CCDC169: variants seen among roughly 807,000 people sequenced by gnomAD.
CCDC169 encodes the protein coiled-coil domain containing 169.
A neutral mutation model predicts 36.0 loss-of-function variants in CCDC169; 30 were observed. The ratio of observed to expected loss-of-function variants is 0.83; its 90% CI spans 0.62 to 1.13. The LOEUF is 1.13. Ranked by LOEUF, CCDC169 falls within the 50% of genes most tolerant of loss-of-function variation. CCDC169 has a pLI of 0.00. For missense variants in CCDC169, 245 were observed against 245.9 expected (o/e 1.00, Z 0.03); for synonymous variants, 85 against 81.5 (o/e 1.04, Z -0.23).
rs528763546 is a variant in CCDC169 at position 36,277,981 on chromosome 13, A to AT, written c.315+5487dup. Among the ~76,000 whole-genome samples, 900 of 152,042 alleles carry AT rather than the reference A, an allele frequency of 5.9e-3. 5 individuals are homozygous for AT. Among genetic ancestry groups the AT allele is most frequent in the Middle Eastern group, 0.017 (5 of 292 alleles). On this transcript the variant is annotated intron_variant, in intron 4 of 7. Transcript: ENST00000239859. ...AAAAAAGATGTTAAATATCTAATGAATTCTATTATAGTTTTGAGAAGGTAC... is the reference window on the plus strand; with the variant it reads ...AAAAAAGATGTTAAATATCTAATGAATTTCTATTATAGTTTTGAGAAGGTAC...
chr13:36,222,266 CAA>C (rs1869653601), downstream of CCDC169: 1 of 152,202 alleles, frequency 6.6e-6, no homozygotes, highest in Non-Finnish European at 1.5e-5. Context: ...TAGGGGATCC[CAA>C]ACAAAGCATG....
At chr13:36,271,094 T>C (rs1875990600) in intron 4 of CCDC169, among the ~76,000 whole-genome samples, 1 of 151,938 alleles carries the variant, frequency 6.6e-6, no homozygotes, top group Admixed American at 6.6e-5. Context: ...CATCAAAAAG[T>C]GGGCAAAGGA....
intron 1 of CCDC169, among the ~76,000 whole-genome samples, chr13:36,296,995 G>A (rs1879580536): frequency 6.6e-6 from 1 of 152,130 alleles, no homozygotes; most frequent in Non-Finnish European, 1.5e-5. Flanking sequence ...CTCAGAACGC[G>A]TGTAGTTTGG....
downstream of CCDC169, chr13:36,225,929 A>C (rs9602509): frequency 0.41 from 61,644 of 152,060 alleles, 13,270 homozygotes; most frequent in Non-Finnish European, 0.48. Context: ...ATTGAAAAGT[A>C]AAAAAGCAAC....
At chr13:36,297,130 G>A (rs987452766) in intron 1 of CCDC169, among the ~76,000 whole-genome samples, 1 of 152,112 alleles carries the variant, frequency 6.6e-6, no homozygotes, top group Non-Finnish European at 1.5e-5. Context: ...GATGGAGTTG[G>A]GAGTATGTCC....
chr13:36,294,099 G>C (rs897438031), intron 2 of CCDC169, among the ~76,000 whole-genome samples: 1 of 152,114 alleles, frequency 6.6e-6, no homozygotes, highest in Non-Finnish European at 1.5e-5. Flanking sequence ...CACAGTCCCT[G>C]GCTTTAAAGG....
At chr13:36,292,074 T>C (rs550008751) in intron 2 of CCDC169, among the ~76,000 whole-genome samples, 2 of 151,214 alleles carry the variant, frequency 1.3e-5, no homozygotes, top group South Asian at 4.3e-4. Flanking sequence ...CTGCAACCTC[T>C]ACCTCCCGGT....
intron 7 of CCDC169, among the ~76,000 whole-genome samples, chr13:36,243,476 T>G (rs984182128): frequency 2.0e-5 from 3 of 150,954 alleles, no homozygotes; most frequent in African/African-American, 7.3e-5. Flanking sequence ...CACTTCAACC[T>G]GGGTGACAGA....
At chr13:36,227,049 GGAA>G, downstream of CCDC169, 1 of 438,588 alleles carries the variant, frequency 2.3e-6, no homozygotes, top group Non-Finnish European at 4.0e-6. Context: ...GAGGAGAGTT[GGAA>G]GAAGTTTCAT....
intron 2 of CCDC169, among the ~76,000 whole-genome samples, chr13:36,285,561 A>ATAAG (rs1433929289): frequency 1.2e-4 from 19 of 152,076 alleles, no homozygotes; most frequent in Non-Finnish European, 2.1e-4. Context: ...AAAAAATAAA[A>ATAAG]ATTTTTCTCA....
chr13:36,278,418 C>T (rs932592382), intron 4 of CCDC169, among the ~76,000 whole-genome samples: 3 of 152,098 alleles, frequency 2.0e-5, no homozygotes, highest in African/African-American at 4.8e-5. Flanking sequence ...TTTTCTCACC[C>T]CTACTCTTCC....
intron 6 of CCDC169, among the ~76,000 whole-genome samples, chr13:36,253,428 T>C (rs1256825004): frequency 6.7e-6 from 1 of 148,694 alleles, no homozygotes; most frequent in Non-Finnish European, 1.5e-5. Context: ...AACCTCTGCC[T>C]TCTGGGTTCA....
At chr13:36,227,960 T>C (rs530798412), downstream of CCDC169, among the ~76,000 whole-genome samples, 8 of 152,354 alleles carry the variant, frequency 5.3e-5, no homozygotes, top group South Asian at 1.0e-3. Flanking sequence ...CTTAGGATAA[T>C]GTTTCCAAGG....
intron 6 of CCDC169, among the ~76,000 whole-genome samples, chr13:36,250,255 G>A (rs1872985623): frequency 6.6e-6 from 1 of 152,118 alleles, no homozygotes; most frequent in African/African-American, 2.4e-5. Context: ...GATATATCCA[G>A]GAATAGCACA....
At chr13:36,225,221 T>TC (rs1196134586), downstream of CCDC169, 1 of 146,014 alleles carries the variant, frequency 6.8e-6, no homozygotes, top group Non-Finnish European at 1.5e-5. Context: ...TTTTTTTTTT[T>TC]TGAGACAGGG....
chr13:36,291,279 C>G (rs535839659), intron 2 of CCDC169, among the ~76,000 whole-genome samples: 1 of 151,818 alleles, frequency 6.6e-6, no homozygotes, highest in Admixed American at 6.6e-5. Flanking sequence ...TGTGTTAATG[C>G]TGCAAAGCTT....
chr13:36,291,928 A>G (rs1878945549), intron 2 of CCDC169, among the ~76,000 whole-genome samples: 1 of 152,154 alleles, frequency 6.6e-6, no homozygotes, highest in Admixed American at 6.5e-5. Context: ...ACCAGCCTAT[A>G]AAAGACTCAA....
At chr13:36,236,482 A>C (rs1871095877) in intron 7 of CCDC169, among the ~76,000 whole-genome samples, 1 of 152,030 alleles carries the variant, frequency 6.6e-6, no homozygotes, top group African/African-American at 2.4e-5. Context: ...ACCTCACATC[A>C]TATACAAAAA....
intron 7 of CCDC169, among the ~76,000 whole-genome samples, chr13:36,232,749 A>C (rs1870580271): frequency 7.1e-6 from 1 of 139,996 alleles, no homozygotes; most frequent in South Asian, 2.3e-4. Flanking sequence ...AGAAAAAAAA[A>C]TTAGCCAGGC....
Sources: allele counts gnomAD v4.1 joint callset (sites outside exome capture counted in the v4.1 genomes callset), GRCh38; gene constraint gnomAD v4.1.1; transcripts MANE v1.5; gene names NCBI Gene and HGNC (gene_info 2026-07-23, HGNC 2026-07-21).